KCTD8: variants seen among roughly 807,000 people sequenced by gnomAD.
KCTD8 encodes the protein BTB/POZ domain-containing protein KCTD8.
In KCTD8, 27 loss-of-function variants were observed where a neutral mutation model predicts 31.5. The observed-to-expected ratio is 0.86, with a 90% CI of 0.63 to 1.18. KCTD8 has a LOEUF of 1.18. Ranked by LOEUF, KCTD8 falls within the 50% of genes most tolerant of loss-of-function variation. KCTD8 has a pLI of 0.00. For synonymous variants in KCTD8, 290 were observed against 280.0 expected (o/e 1.04, Z -0.36); for missense variants, 658 against 647.7 (o/e 1.02, Z -0.17).
chr4:44,379,980 T>C (rs189823089), intron 1 of KCTD8, among the ~76,000 whole-genome samples: 12 of 152,078 alleles, frequency 7.9e-5, no homozygotes, highest in African/African-American at 2.9e-4. Flanking sequence ...ATTTGCCTTG[T>C]ACATCAACAC....
At chr4:44,354,626 C>G (rs983661718) in intron 1 of KCTD8, among the ~76,000 whole-genome samples, 1 of 152,064 alleles carries the variant, frequency 6.6e-6, no homozygotes, top group African/African-American at 2.4e-5. Flanking sequence ...TCTAAGTGTT[C>G]AGTGCAAATT....
intron 1 of KCTD8, chr4:44,293,879 A>C (rs747371867): frequency 4.5e-6 from 2 of 440,030 alleles, no homozygotes; most frequent in South Asian, 3.3e-5. Context: ...AAATATAAAT[A>C]GAATTATTGC....
At chr4:44,264,533 C>T (rs113868094) in intron 1 of KCTD8, among the ~76,000 whole-genome samples, 9 of 152,148 alleles carry the variant, frequency 5.9e-5, no homozygotes, top group African/African-American at 9.6e-5. Flanking sequence ...AGACAGTGGG[C>T]GCAGGACAGC....
In KCTD8 at chr4:44,436,442, CATAAAA is replaced by C. The variant is rs1721648058; in HGVS notation, c.961+11115_961+11120del. On this transcript the variant is annotated intron_variant, in intron 1 of 1. Coordinates refer to ENST00000360029, the MANE Select transcript of KCTD8 (RefSeq NM_198353.3). ...TATCTTATATTAACAGAAAAAAAGA[CATAAAA>C]ATAAGATTTATAGTCCTGAGCTTTA... Among the ~76,000 whole-genome samples, 17 of 151,904 alleles carry C rather than the reference CATAAAA, an allele frequency of 1.1e-4. No individual in the cohort carries two copies. The South Asian group carries it at 3.5e-3, about 32-fold the overall frequency.
At chr4:44,293,691 AT>A (rs1221813812) in intron 1 of KCTD8, 1 of 379,062 alleles carries the variant, frequency 2.6e-6, no homozygotes, top group Non-Finnish European at 5.2e-6. Flanking sequence ...CATGAGGGAA[AT>A]TTTTTAAAAC....
chr4:44,276,074 G>A (rs915722931), intron 1 of KCTD8, among the ~76,000 whole-genome samples: 4 of 151,958 alleles, frequency 2.6e-5, no homozygotes, highest in Admixed American at 1.3e-4. Flanking sequence ...CCCAAGGGTG[G>A]TGTGGTAGAA....
In KCTD8 at chr4:44,308,492, C is replaced by A. The variant is rs559361336; in HGVS notation, c.962-133242G>T. ...TAGGAAAGCAGCAAGTAAGAAAAAA[C>A]TATGCATAATTTAACCCATTCTATT... On this transcript the variant is annotated intron_variant, in intron 1 of 1. Coordinates refer to ENST00000360029, the MANE Select transcript of KCTD8 (RefSeq NM_198353.3). Among the ~76,000 whole-genome samples, 25 of 152,112 alleles carry A rather than the reference C, an allele frequency of 1.6e-4. No individual in the cohort carries two copies. The South Asian group carries it at 5.2e-3, about 32-fold the overall frequency.
At chr4:44,235,116 AATG>A (rs1027128632) in intron 1 of KCTD8, among the ~76,000 whole-genome samples, 7 of 152,026 alleles carry the variant, frequency 4.6e-5, no homozygotes, top group African/African-American at 1.2e-4. Flanking sequence ...TGATGATGAC[AATG>A]ATGATGATGA....
chr4:44,447,970 G>A lies in KCTD8; in HGVS notation c.554C>T (p.Ala185Val). The A allele has an allele frequency of 6.5e-7, 1 of 1,530,514 alleles. No homozygotes were observed. The highest frequency in any genetic ancestry group is 8.8e-7 in the Non-Finnish European group (1 of 1,137,596). 94.8% of individuals were successfully genotyped at this position (1,530,514 alleles called of 1,614,324 possible). ...DALLLRGAAAAVPSGPGAHGG... is the reference protein window; with the variant it reads ...DALLLRGAAAVVPSGPGAHGG... Reference sequence around the variant, plus strand: ...GTGCGCTCCCGGGCCCGAGGGCACGGCGGCCGCCGCCCCGCGCAGCAGCAG... The same window carrying A: ...GTGCGCTCCCGGGCCCGAGGGCACGACGGCCGCCGCCCCGCGCAGCAGCAG... Residue 185 changes from alanine to valine, a missense_variant, in exon 1 of 2, where the codon GCC becomes GTC. Physicochemically the swap from Ala to Val is moderately conservative, Grantham distance 64. Transcript: ENST00000360029.
At chr4:44,281,600 T>C (rs1716906875) in intron 1 of KCTD8, among the ~76,000 whole-genome samples, 1 of 152,136 alleles carries the variant, frequency 6.6e-6, no homozygotes, top group South Asian at 2.1e-4. Context: ...TTGTGGTGAT[T>C]TACTGTTGCC....
At chr4:44,441,657 C>T (rs939109720) in intron 1 of KCTD8, among the ~76,000 whole-genome samples, 2 of 152,138 alleles carry the variant, frequency 1.3e-5, no homozygotes, top group Admixed American at 1.3e-4. Context: ...CAGCCCTATA[C>T]AAGCTCTATG....
intron 1 of KCTD8, among the ~76,000 whole-genome samples, chr4:44,422,273 A>G (rs1265022772): frequency 1.3e-5 from 2 of 152,096 alleles, no homozygotes; most frequent in East Asian, 3.9e-4. Context: ...AATTAAGTAT[A>G]TATAATATGA....
intron 1 of KCTD8, among the ~76,000 whole-genome samples, chr4:44,247,684 AG>A (rs1180660197): frequency 6.6e-6 from 1 of 151,906 alleles, no homozygotes; most frequent in East Asian, 1.9e-4. Flanking sequence ...TGACTATTTT[AG>A]GTATCTCATA....
intron 1 of KCTD8, among the ~76,000 whole-genome samples, chr4:44,392,733 C>A (rs35559122): frequency 0.25 from 37,531 of 151,748 alleles, 4,927 homozygotes; most frequent in South Asian, 0.3. Context: ...ATAACTTCCC[C>A]TCTAGGTTGA....
At chr4:44,356,154 AG>A (rs1719336708) in intron 1 of KCTD8, among the ~76,000 whole-genome samples, 1 of 152,310 alleles carries the variant, frequency 6.6e-6, no homozygotes, top group Admixed American at 6.5e-5. Flanking sequence ...CATAATTTTC[AG>A]AATTTGACTA....
chr4:44,213,911 A>G (rs1227584203), intron 1 of KCTD8, among the ~76,000 whole-genome samples: 1 of 152,186 alleles, frequency 6.6e-6, no homozygotes, highest in African/African-American at 2.4e-5. Context: ...CCCCTTTTAT[A>G]AAGAAATTTA....
At chr4:44,252,794 T>G (rs368489572) in intron 1 of KCTD8, among the ~76,000 whole-genome samples, 7 of 151,882 alleles carry the variant, frequency 4.6e-5, no homozygotes, top group East Asian at 1.9e-4. Flanking sequence ...TGTCTTATGC[T>G]TTTCTTTTTA....
intron 1 of KCTD8, among the ~76,000 whole-genome samples, chr4:44,447,216 C>A (rs1721964683): frequency 6.6e-6 from 1 of 152,254 alleles, no homozygotes; most frequent in Admixed American, 6.5e-5. Context: ...ATGCACCCTG[C>A]CCTGTGCCCC....
intron 1 of KCTD8, among the ~76,000 whole-genome samples, chr4:44,179,607 A>T (rs1051253106): frequency 6.6e-6 from 1 of 151,346 alleles, no homozygotes; most frequent in Admixed American, 6.6e-5. Context: ...CAATCAGACC[A>T]AACAGATTCG....
Sources: gnomAD v4.1 joint callset for allele counts (sites outside exome capture counted in the v4.1 genomes callset) on GRCh38, gnomAD v4.1.1 for gene constraint, MANE v1.5 for transcripts, NCBI Gene and HGNC (gene_info 2026-07-23, HGNC 2026-07-21) for gene names.